GNG12: variants seen among roughly 807,000 people sequenced by gnomAD.
GNG12 encodes G protein subunit gamma 12.
For synonymous variants in GNG12, 28 were observed against 29.7 expected (o/e 0.94, Z 0.19); for missense variants, 69 against 83.8 (o/e 0.82, Z 0.69).
chr1:67,832,701 C>A (rs1338157993), intron 1 of GNG12, among the ~76,000 whole-genome samples: 1 of 152,156 alleles, frequency 6.6e-6, no homozygotes, highest in Non-Finnish European at 1.5e-5. Context: ...GGTCCCCACT[C>A]GGGGGTCCCT....
chr1:67,820,432 T>G (rs569523730), intron 1 of GNG12, among the ~76,000 whole-genome samples: 51 of 149,198 alleles, frequency 3.4e-4, no homozygotes, highest in Admixed American at 1.9e-3. Flanking sequence ...GAAAAACAGA[T>G]GAAGAGACAG....
chr1:67,816,627 A>G (rs1005903095), intron 1 of GNG12, among the ~76,000 whole-genome samples: 1 of 152,064 alleles, frequency 6.6e-6, no homozygotes, highest in Non-Finnish European at 1.5e-5. Context: ...GTGACTCCTA[A>G]ATACCTGTGG....
intron 1 of GNG12, among the ~76,000 whole-genome samples, chr1:67,787,930 C>T (rs905343781): frequency 1.3e-5 from 2 of 152,206 alleles, no homozygotes; most frequent in Non-Finnish European, 2.9e-5. Context: ...CCAGGAATCC[C>T]CTCAGTGCCA....
chr1:67,739,621 C>A (rs4655751), intron 2 of GNG12, among the ~76,000 whole-genome samples: 3 of 152,142 alleles, frequency 2.0e-5, no homozygotes, highest in African/African-American at 4.8e-5. Context: ...GAAGAGCCTG[C>A]GTCAAAGCAG....
In GNG12 at chr1:67,705,519, G is replaced by T. The variant is rs1476769598; in HGVS notation, c.151C>A (p.Pro51Thr). ...SYCEEHARSD[P>T]LLIGIPTSEN... ...GAAGTTGGTATTCCTATCAGCAAAG[G>T]GTCACTCCTGGCATGTTCCTCACAG... Residue 51 changes from proline to threonine, a missense_variant, in exon 4 of 4, where the codon CCT (proline) becomes ACT (threonine). Pro to Thr is a conservative substitution (Grantham distance 38). Transcript: ENST00000370982. 3 of 1,614,084 alleles carry T rather than the reference G, an allele frequency of 1.9e-6. No homozygotes were observed. Among genetic ancestry groups the T allele is most frequent in the Non-Finnish European group, 2.5e-6 (3 of 1,180,014 alleles).
intron 2 of GNG12, among the ~76,000 whole-genome samples, chr1:67,720,770 C>G (rs1317627977): frequency 6.6e-6 from 1 of 152,154 alleles, no homozygotes; most frequent in African/African-American, 2.4e-5. Context: ...AACTAGGTCT[C>G]CTGGTACTCC....
At chr1:67,772,507 A>ATTCTCATTCTTTCC (rs1553158032) in intron 2 of GNG12, 2 of 151,996 alleles carry the variant, frequency 1.3e-5, no homozygotes, top group African/African-American at 4.8e-5. Context: ...TCTGCTTGGC[A>ATTCTCATTCTTTCC]TTCTCATTCT....
chr1:67,766,960 T>C (rs1334423936), intron 2 of GNG12, among the ~76,000 whole-genome samples: 1 of 152,232 alleles, frequency 6.6e-6, no homozygotes, highest in African/African-American at 2.4e-5. Flanking sequence ...ATGTGAGTTT[T>C]AGCACCCTAG....
At chr1:67,766,652 A>G (rs1646642229) in intron 2 of GNG12, among the ~76,000 whole-genome samples, 1 of 149,580 alleles carries the variant, frequency 6.7e-6, no homozygotes, top group East Asian at 2.0e-4. Context: ...GGAAATTCTG[A>G]AGCCAGGTGA....
At chr1:67,779,919 G>A (rs61623842) in intron 1 of GNG12, among the ~76,000 whole-genome samples, 12,636 of 152,108 alleles carry the variant, frequency 0.083, 543 homozygotes, top group Admixed American at 0.1. Context: ...GAATACTGTA[G>A]GCAACTATAA....
intron 1 of GNG12, among the ~76,000 whole-genome samples, chr1:67,806,874 T>C (rs1258027981): frequency 3.3e-5 from 5 of 152,166 alleles, no homozygotes; most frequent in Non-Finnish European, 7.4e-5. Context: ...TGGACAGATC[T>C]ATTAGGCAGA....
At chr1:67,763,916 A>AT (rs1314505848) in intron 2 of GNG12, among the ~76,000 whole-genome samples, 1 of 152,228 alleles carries the variant, frequency 6.6e-6, no homozygotes, top group African/African-American at 2.4e-5. Flanking sequence ...TGTGAACTCC[A>AT]TGTCAGGCTA....
rs191210093 is a variant in GNG12 at position 67,776,713 on chromosome 1, C to T, written c.-27+745G>A. 7.4e-4 allele frequency among the ~76,000 whole-genome samples: 112 copies of T among 152,260 alleles called. 2 individuals are homozygous for T. Among genetic ancestry groups the T allele is most frequent in the African/African-American group, 2.5e-3 (105 of 41,556 alleles). On this transcript the variant is annotated intron_variant, in intron 2 of 3. Transcript: ENST00000370982. ...TAGTCCCAGGTGAAAGGAGAAGGATCACGTAGCTGAGCCTAGCCCAAATCA... is the reference window on the plus strand; with the variant it reads ...TAGTCCCAGGTGAAAGGAGAAGGATTACGTAGCTGAGCCTAGCCCAAATCA...
chr1:67,740,216 C>T (rs570790520), intron 2 of GNG12, among the ~76,000 whole-genome samples: 103 of 152,316 alleles, frequency 6.8e-4, no homozygotes, highest in South Asian at 3.1e-3. Flanking sequence ...GCAGAACATA[C>T]ACAAATGAAT....
chr1:67,795,278 C>G, intron 1 of GNG12, among the ~76,000 whole-genome samples: 1 of 152,170 alleles, frequency 6.6e-6, no homozygotes, highest in East Asian at 1.9e-4. Context: ...ATTTGATGTA[C>G]CCAGACCAAA....
chr1:67,778,973 C>T (rs1399472194), intron 1 of GNG12, among the ~76,000 whole-genome samples: 3 of 152,054 alleles, frequency 2.0e-5, no homozygotes, highest in Admixed American at 6.5e-5. Flanking sequence ...CAGGTGGGGT[C>T]GAAAAGGCTG....
intron 1 of GNG12, among the ~76,000 whole-genome samples, chr1:67,809,393 A>C (rs1042107098): frequency 1.3e-5 from 2 of 152,204 alleles, no homozygotes; most frequent in African/African-American, 4.8e-5. Context: ...GGCTTTTTAC[A>C]TACAACACCA....
chr1:67,777,685 G>A (rs912320499), intron 1 of GNG12, among the ~76,000 whole-genome samples, 178 bp from the exon 2 acceptor site: 2 of 152,172 alleles, frequency 1.3e-5, no homozygotes, highest in African/African-American at 4.8e-5. Flanking sequence ...TTAACTTCCT[G>A]AATAGAGAGA....
At chr1:67,798,000 C>T (rs142449429) in intron 1 of GNG12, among the ~76,000 whole-genome samples, 94 of 152,256 alleles carry the variant, frequency 6.2e-4, no homozygotes, top group African/African-American at 2.0e-3. Flanking sequence ...TAAACTAGCC[C>T]ACCCTTGCCC....
Sources: gnomAD v4.1 joint callset for allele counts (sites outside exome capture counted in the v4.1 genomes callset) on GRCh38, gnomAD v4.1.1 for gene constraint, MANE v1.5 for transcripts, NCBI Gene and HGNC (gene_info 2026-07-23, HGNC 2026-07-21) for gene names.